Variants in NTMT1 observed in about 807,000 individuals in gnomAD.
The protein encoded by NTMT1 is N-terminal RCC1 methyltransferase.
A neutral mutation model predicts 17.5 loss-of-function variants in NTMT1; 8 were observed. That is an observed-to-expected ratio of 0.46 (90% CI 0.27 to 0.82). NTMT1 has a LOEUF of 0.82. Among genes scored for constraint, NTMT1 ranks in the 40% least tolerant of loss-of-function variants. NTMT1 has a pLI of 0.15. For missense variants in NTMT1, 221 were observed against 303.5 expected (o/e 0.73, Z 2.02); for synonymous variants, 128 against 126.8 (o/e 1.01, Z -0.06).
chr9:129,612,568 A>G (rs1830143991), intron 1 of NTMT1: 1 of 756,076 alleles, frequency 1.3e-6, no homozygotes. Flanking sequence ...TGTCAGCCCC[A>G]TTTTAAAAGA....
chr9:129,632,600 C>T (rs1452003071), intron 1 of NTMT1, 50 bp from the exon 2 acceptor site: 1 of 1,426,798 alleles, frequency 7.0e-7, no homozygotes, highest in East Asian at 2.3e-5. Flanking sequence ...CCCTGGGGGC[C>T]TTTCTGCCAG....
At chr9:129,624,438 G>T (rs1588131404), upstream of NTMT1, among the ~76,000 whole-genome samples, 2 of 152,158 alleles carry the variant, frequency 1.3e-5, no homozygotes, top group African/African-American at 4.8e-5. Flanking sequence ...CAGACCAGGG[G>T]TAGCAGTTGT....
chr9:129,618,804 C>T (rs1205587626), intron 1 of NTMT1, among the ~76,000 whole-genome samples: 2 of 151,872 alleles, frequency 1.3e-5, no homozygotes, highest in Non-Finnish European at 2.9e-5. Flanking sequence ...ACCATTCTCT[C>T]GCCTCAGCCT....
intron 1 of NTMT1, among the ~76,000 whole-genome samples, chr9:129,632,038 T>C (rs1831196492): frequency 1.3e-5 from 2 of 152,190 alleles, no homozygotes; most frequent in African/African-American, 4.8e-5. Flanking sequence ...GCGTGGAAGC[T>C]TCCCTGGCCC....
At position 129,635,107 on chromosome 9, in the gene NTMT1, G is replaced by C. The variant is rs1355242424; in HGVS notation, c.416-101G>C. ...AGGCCATGTGTGCACACAAAATGCTGGGCACAAATGAGGGGCTCAGCGGGG... is the reference window on the plus strand; with the variant it reads ...AGGCCATGTGTGCACACAAAATGCTCGGCACAAATGAGGGGCTCAGCGGGG... On this transcript the variant is annotated intron_variant, in intron 3 of 3. Coordinates refer to ENST00000372483, the MANE Select transcript of NTMT1 (RefSeq NM_014064.4). 3 of 1,400,924 alleles carry C rather than the reference G, an allele frequency of 2.1e-6. No homozygotes were observed. In the East Asian group the frequency reaches 6.9e-5, roughly 32 times the overall value. The allele number at this position is 1,400,924 out of a possible 1,614,324, so 86.8% of individuals were successfully genotyped here. A position where few individuals can be genotyped will look rare whatever the true frequency, so the allele number is the denominator to read the frequency against.
chr9:129,615,688 C>T lies in NTMT1; in HGVS notation c.-55+6510C>T, dbSNP rs75970720. The stretch of plus-strand genomic sequence containing the variant: ...GGGGCCTGTGCTCGAAGCCCCCCAC[C>T]GTACCCCAGCACACACGCACCAGCC... On this transcript the variant is annotated intron_variant, in intron 1 of 3. Coordinates refer to the NTMT1 transcript ENST00000372486. 5.8e-3 allele frequency: 8,606 copies of T among 1,489,950 alleles called. 43 individuals are homozygous for T. Among genetic ancestry groups the T allele is most frequent in the East Asian group, 0.011 (440 of 41,044 alleles). 92.3% of individuals were successfully genotyped at this position (1,489,950 alleles called of 1,614,324 possible).
chr9:129,630,734 TCTC>T (rs1831120128), intron 1 of NTMT1, among the ~76,000 whole-genome samples: 1 of 152,232 alleles, frequency 6.6e-6, no homozygotes, highest in South Asian at 2.1e-4. Context: ...AGCCCCCTGC[TCTC>T]CTCGTGTGGA....
At chr9:129,621,826 C>T (rs1339626167), upstream of NTMT1, among the ~76,000 whole-genome samples, 1 of 152,204 alleles carries the variant, frequency 6.6e-6, no homozygotes, top group Non-Finnish European at 1.5e-5. Context: ...GTGTCACACT[C>T]ACCCTGGTGG....
intron 1 of NTMT1, among the ~76,000 whole-genome samples, chr9:129,618,491 G>A (rs995627220): frequency 6.6e-6 from 1 of 152,150 alleles, no homozygotes; most frequent in African/African-American, 2.4e-5. Context: ...AACTATGAAT[G>A]TATGGGTAGA....
In NTMT1 at chr9:129,613,147, C is replaced by T; in HGVS notation, c.-55+3969C>T. The T allele has an allele frequency of 6.2e-7, 1 of 1,613,888 alleles. No homozygotes were observed. Among genetic ancestry groups the T allele is most frequent in the Non-Finnish European group, 8.5e-7 (1 of 1,180,010 alleles). On this transcript the variant is annotated intron_variant, in intron 1 of 3. Transcript: ENST00000372486. This position sits in a 1 kb window ranked among gnomAD's most constrained non-coding sequence, Gnocchi z 6.2. Reference sequence around the variant, plus strand: ...GTGCGGGTCCAAGAAGGCTCGGAGGCTGCTTCGCGGCCTCTGAGCAGCGGC... The same window carrying T: ...GTGCGGGTCCAAGAAGGCTCGGAGGTTGCTTCGCGGCCTCTGAGCAGCGGC...
At chr9:129,615,333 G>C (rs2118863987) in intron 1 of NTMT1, 2 of 826,696 alleles carry the variant, frequency 2.4e-6, no homozygotes, top group East Asian at 6.1e-5. Context: ...ATCCTCCAAG[G>C]AGGCCAGTTC....
chr9:129,635,021 G>C lies in NTMT1; in HGVS notation c.416-187G>C, dbSNP rs1831446883. On this transcript the variant is annotated intron_variant, in intron 3 of 3. Transcript: ENST00000372483. ...GTGTCTTTAGGTAGATGACCTCTGA[G>C]CCACAGTTTCCTATTCTATGAATTG... 4.4e-6 allele frequency: 3 copies of C among 680,396 alleles called. 1 individual carries two copies. The highest frequency in any genetic ancestry group is 7.3e-6 in the Non-Finnish European group (3 of 409,164). 42.1% of individuals were successfully genotyped at this position (680,396 alleles called of 1,614,324 possible).
Position 129,620,428 on chromosome 9 carries a change from G to A in NTMT1, c.-55+11250G>A. On this transcript the variant is annotated intron_variant, in intron 1 of 3. Transcript: ENST00000372486. The surrounding 1 kb of genome is among the most constrained non-coding windows in gnomAD (Gnocchi z 5.8). ...CGCCCCCCGGGATCCTCCAGTCCCC[G>A]GAGCCCCGCGCGCCCAGAGCCGCTC... The A allele has an allele frequency of 7.9e-7, 1 of 1,264,014 alleles. No individual in the cohort carries two copies. Among genetic ancestry groups the A allele is most frequent in the South Asian group, 2.8e-5 (1 of 36,046 alleles). 78.3% of individuals were successfully genotyped at this position (1,264,014 alleles called of 1,614,324 possible).
In NTMT1 at chr9:129,626,211, G is replaced by T. The variant is rs1271236328; in HGVS notation, c.-139G>T. Reference sequence around the variant, plus strand: ...TCTGGTCGTGGTCTGGCGGAGCTGCGGTTGGCTTGTGGCGTCTCCGCCGCC... The same window carrying T: ...TCTGGTCGTGGTCTGGCGGAGCTGCTGTTGGCTTGTGGCGTCTCCGCCGCC... On this transcript the variant is annotated 5_prime_UTR_variant, in exon 1 of 4. Coordinates refer to ENST00000372483, the MANE Select transcript of NTMT1 (RefSeq NM_014064.4). The T allele has an allele frequency of 6.6e-6, 1 of 152,162 alleles. No homozygotes were observed. The highest frequency in any genetic ancestry group is 1.5e-5 in the Non-Finnish European group (1 of 68,046). 9.4% of individuals were successfully genotyped at this position (152,162 alleles called of 1,614,324 possible).
chr9:129,616,356 C>T (rs1445188331), intron 1 of NTMT1, among the ~76,000 whole-genome samples: 1 of 152,198 alleles, frequency 6.6e-6, no homozygotes, highest in Non-Finnish European at 1.5e-5. Flanking sequence ...GCTGGGACTA[C>T]AGGCGTGTGC....
chr9:129,635,706 T>C lies in NTMT1; in HGVS notation c.*242T>C. 1 of 500,804 alleles carries C rather than the reference T, an allele frequency of 2.0e-6. No homozygotes were observed. Among genetic ancestry groups the C allele is most frequent in the South Asian group, 2.6e-5 (1 of 38,272 alleles). 31.0% of individuals were successfully genotyped at this position (500,804 alleles called of 1,614,324 possible). A position where few individuals can be genotyped will look rare whatever the true frequency, so the allele number is the denominator to read the frequency against. ...ACCCTGCTCTCCTGCGAGATGGGAT[T>C]GGGTGGAAGGGGCTCCAGGGCTCCT... is the stretch of plus-strand genomic sequence containing the variant. On this transcript the variant is annotated 3_prime_UTR_variant, in exon 4 of 4. Coordinates refer to ENST00000372483, the MANE Select transcript of NTMT1 (RefSeq NM_014064.4).
Position 129,632,675 on chromosome 9 carries a change from G to T in NTMT1, c.-29G>T. 1 of 1,612,090 alleles carries T rather than the reference G, an allele frequency of 6.2e-7. No homozygotes were observed. Among genetic ancestry groups the T allele is most frequent in the East Asian group, 2.2e-5 (1 of 44,834 alleles). On this transcript the variant is annotated 5_prime_UTR_variant, in exon 2 of 4. Coordinates refer to ENST00000372483, the MANE Select transcript of NTMT1 (RefSeq NM_014064.4). ...GAGAGTCGCGGTTGCTGATCGTGGT[G>T]CTTGAGTAGAGCCGTGGTTGGTGAC...
At chr9:129,634,012 T>G in intron 2 of NTMT1, 42 bp from the exon 3 acceptor site, 3 of 1,588,862 alleles carry the variant, frequency 1.9e-6, no homozygotes, top group Non-Finnish European at 2.6e-6. Flanking sequence ...GCACGTGCGG[T>G]GACAGGGTCC....
At position 129,635,807 on chromosome 9, in the gene NTMT1, T is replaced by C. The variant is rs774962206; in HGVS notation, c.*343T>C. ...GGCCTCCAGCCCGGCCTTCCAGCCATGGGCCTGGCTGCCTGAAGAGGAAGG... is the reference window on the plus strand; with the variant it reads ...GGCCTCCAGCCCGGCCTTCCAGCCACGGGCCTGGCTGCCTGAAGAGGAAGG... On this transcript the variant is annotated 3_prime_UTR_variant, in exon 4 of 4. Coordinates refer to ENST00000372483, the MANE Select transcript of NTMT1 (RefSeq NM_014064.4). The C allele has an allele frequency of 2.0e-5, 5 of 248,392 alleles. No homozygotes were observed. Among genetic ancestry groups the C allele is most frequent in the Admixed American group, 5.2e-5 (1 of 19,184 alleles). The allele number at this position is 248,392 out of a possible 1,614,324, so 15.4% of individuals were successfully genotyped here. A position where few individuals can be genotyped will look rare whatever the true frequency, so the allele number is the denominator to read the frequency against.
Sources: allele counts gnomAD v4.1 joint callset (sites outside exome capture counted in the v4.1 genomes callset), GRCh38; gene constraint gnomAD v4.1.1; non-coding constraint Gnocchi (gnomAD v3.1); transcripts MANE v1.5; gene names NCBI Gene and HGNC (gene_info 2026-07-23, HGNC 2026-07-21).